Variants in OTUD7B observed in about 807,000 individuals in gnomAD.
OTUD7B encodes the protein OTU domain-containing protein 7B.
A neutral mutation model predicts 82.2 loss-of-function variants in OTUD7B; 34 were observed. The observed-to-expected ratio is 0.41, with a 90% CI of 0.31 to 0.55. The LOEUF is 0.55. Among genes scored for constraint, OTUD7B ranks in the 20% least tolerant of loss-of-function variants. The probability of loss-of-function intolerance (pLI) is 0.20; values close to 1 mark genes in which losing one functional copy is unlikely to be tolerated. For synonymous variants in OTUD7B, 398 were observed against 402.7 expected, an observed-to-expected ratio of 0.99 and a Z score of 0.14; for missense variants, 944 against 1,062.1, an observed-to-expected ratio of 0.89 and a Z score of 1.55.
intron 7 of OTUD7B, 48 bp from the exon 8 acceptor site, chr1:149,950,269 G>C (rs1648088261): frequency 1.2e-6 from 2 of 1,601,298 alleles, no homozygotes; most frequent in South Asian, 2.2e-5. Flanking sequence ...GTAAAAATGA[G>C]AGAGTAGAAA....
In OTUD7B at chr1:150,010,586, A is replaced by C. The variant is rs147372021; in HGVS notation, c.-205T>G. 0.022 allele frequency: 3,403 copies of C among 153,122 alleles called. 132 individuals carry two copies. Among genetic ancestry groups the C allele is most frequent in the African/African-American group, 0.078 (3,230 of 41,374 alleles). The allele number at this position is 153,122 out of a possible 1,614,324, so 9.5% of individuals were successfully genotyped here. On this transcript the variant is annotated 5_prime_UTR_variant, in exon 1 of 12. Transcript: ENST00000581312. ...GATGGAGGTGGAGGCGGTGGTGGAG[A>C]CTGCGACCGCAGCTGTTGCTCCGCA...
In OTUD7B at chr1:149,944,248, T is replaced by C; in HGVS notation, c.2141A>G (p.Gln714Arg). Residue 714 changes from glutamine (Q) to arginine (R), a missense_variant, in exon 12 of 12, where the codon CAG (glutamine) becomes CGG (arginine). This residue lies in a region of OTUD7B where 412 missense variants were observed against 418.7 expected (regional missense o/e 0.98). Transcript: ENST00000581312. ...CCCGACACATGGACCCCCTGCCAAC[T>C]GCCTCCGGGGTTCCTGGCAGTGGAC... ...GGVHCQEPRR[Q>R]LAGGPCVGGL... The C allele has an allele frequency of 6.2e-7, 1 of 1,612,308 alleles. No individual in the cohort carries two copies. The highest frequency in any genetic ancestry group is 1.7e-4 in the Middle Eastern group (1 of 6,040).
chr1:150,004,732 G>A (rs587607779), intron 1 of OTUD7B, among the ~76,000 whole-genome samples: 13 of 151,856 alleles, frequency 8.6e-5, no homozygotes, highest in South Asian at 4.2e-4. Flanking sequence ...TCTCCTCACC[G>A]CCCCAAGAAC....
chr1:150,041,706 G>C, the OTUD7B span, among the ~76,000 whole-genome samples: 2 of 152,086 alleles, frequency 1.3e-5, no homozygotes, highest in Admixed American at 1.3e-4. Flanking sequence ...AGATTGGTCT[G>C]TTTTATTGGT....
the OTUD7B span, among the ~76,000 whole-genome samples, chr1:150,019,444 T>C: frequency 2.0e-5 from 3 of 152,196 alleles, no homozygotes; most frequent in African/African-American, 7.2e-5. Flanking sequence ...CTCGGCTCAC[T>C]GCAACCTCCG....
rs367959051 is a variant in OTUD7B at position 149,964,288 on chromosome 1, C to A, written c.666G>T (p.Glu222Asp). 10 of 1,614,012 alleles carry A rather than the reference C, an allele frequency of 6.2e-6. No homozygotes were observed. The highest frequency in any genetic ancestry group is 3.3e-4 in the Middle Eastern group (2 of 6,084). Residue 222 changes from glutamate to aspartate, a missense_variant, in exon 6 of 12, where the codon GAG becomes GAT. By Grantham distance (45) the Glu-to-Asp change is conservative (BLOSUM62 2). Coordinates refer to ENST00000581312, the MANE Select transcript of OTUD7B (RefSeq NM_020205.4). Reference protein sequence around the residue: ...MLRKALYALMEKGVEKEALKR... With the variant: ...MLRKALYALMDKGVEKEALKR... ...TCAACGCTTCCTTCTCAACTCCCTT[C>A]TCCATCAGTGCATACAAAGCTTTCC...
chr1:149,962,101 A>G (rs1172011256), intron 6 of OTUD7B: 15 of 152,182 alleles, frequency 9.9e-5, no homozygotes, highest in Admixed American at 9.8e-4. Flanking sequence ...ACTTCAATTA[A>G]AAATAAAGAG....
At chr1:150,014,469 AT>A (rs1653213849), upstream of OTUD7B, among the ~76,000 whole-genome samples, 1 of 151,816 alleles carries the variant, frequency 6.6e-6, no homozygotes, top group Admixed American at 6.6e-5. Context: ...AAACCTAGTA[AT>A]TCCACTCCCT....
In OTUD7B at chr1:149,938,483, A is replaced by AAAACAAAAG; in HGVS notation, c.*5373_*5374insCTTTTGTTT. The stretch of plus-strand genomic sequence containing the variant: ...CGCAAAAAAAAAAAAAAAAAAAAAG[A>AAAACAAAAG]CATAGGAAGAGGTGTGTACCATAAC... On this transcript the variant is annotated 3_prime_UTR_variant, in exon 12 of 12. Coordinates refer to ENST00000581312, the MANE Select transcript of OTUD7B (RefSeq NM_020205.4). 1 of 82,914 alleles carries AAAACAAAAG rather than the reference A, an allele frequency of 1.2e-5. No individual in the cohort carries two copies. The highest frequency in any genetic ancestry group is 2.1e-5 in the Non-Finnish European group (1 of 47,568). The allele number at this position is 82,914 out of a possible 1,614,324, so 5.1% of individuals were successfully genotyped here.
chr1:149,994,753 G>A (rs57020352), intron 1 of OTUD7B, among the ~76,000 whole-genome samples: 2,880 of 152,046 alleles, frequency 0.019, 77 homozygotes, highest in African/African-American at 0.063. Flanking sequence ...TAGGACTACC[G>A]GCGAATGCCA....
rs75943385 is a variant in OTUD7B, at chr1:149,969,705, T to C, written c.274+1358A>G. ...TGTGTCTTACCTTTTTGAAAAAAAT[T>C]ATATATTTTTTTATATGGAGTCTCA... is the stretch of plus-strand genomic sequence containing the variant. On this transcript the variant is annotated intron_variant, in intron 3 of 11. Coordinates refer to ENST00000581312, the MANE Select transcript of OTUD7B (RefSeq NM_020205.4). Among the ~76,000 whole-genome samples the C allele has an allele frequency of 5.3e-4, 81 of 152,282 alleles. No individual in the cohort carries two copies. In the East Asian group the frequency reaches 0.015, roughly 28 times the overall value.
chr1:149,967,423 C>A lies in OTUD7B; in HGVS notation c.373G>T (p.Glu125Ter). The A allele has an allele frequency of 6.2e-7, 1 of 1,613,886 alleles. No individual in the cohort carries two copies. Among genetic ancestry groups the A allele is most frequent in the South Asian group, 1.1e-5 (1 of 91,072 alleles). Residue 125 changes from glutamate (E) to a stop codon, truncating the protein, a stop_gained, in exon 4 of 12, where the codon GAG becomes TAG. Coordinates refer to ENST00000581312, the MANE Select transcript of OTUD7B (RefSeq NM_020205.4). LOFTEE classifies it high-confidence loss of function. ...CAGATGGGCATTTCCAGGGGGTGCTCATTGCTCCCCCCACCCCCACCATTG... is the reference window on the plus strand; with the variant it reads ...CAGATGGGCATTTCCAGGGGGTGCTAATTGCTCCCCCCACCCCCACCATTG... ...SSNGGGGGSN[E>*]HPLEMPICAF...
chr1:149,952,860 T>A (rs1164078718), intron 7 of OTUD7B, among the ~76,000 whole-genome samples: 4 of 152,226 alleles, frequency 2.6e-5, no homozygotes, highest in Non-Finnish European at 2.9e-5. Flanking sequence ...TTTTGAGAAG[T>A]GTCTGTTTAT....
the OTUD7B span, among the ~76,000 whole-genome samples, chr1:150,022,842 A>G: frequency 6.6e-6 from 1 of 152,200 alleles, no homozygotes; most frequent in Non-Finnish European, 1.5e-5. Context: ...AATATCTCAA[A>G]GTGCCCTATT....
intron 2 of OTUD7B, among the ~76,000 whole-genome samples, chr1:149,974,186 C>T (rs1650131931): frequency 6.6e-6 from 1 of 152,196 alleles, no homozygotes; most frequent in Non-Finnish European, 1.5e-5. Context: ...ACGCTTCAAC[C>T]TCCTGAGTAG....
chr1:149,950,405 GT>G (rs79180349), intron 7 of OTUD7B, among the ~76,000 whole-genome samples, 184 bp from the exon 8 acceptor site: 50,122 of 152,020 alleles, frequency 0.33, 9,765 homozygotes, highest in African/African-American at 0.54. Context: ...TTCTACCTCC[GT>G]TTTCACAGAT....
chr1:150,057,649 A>G, the OTUD7B span, among the ~76,000 whole-genome samples: 1 of 152,240 alleles, frequency 6.6e-6, no homozygotes, highest in Admixed American at 6.5e-5. Flanking sequence ...GAAAGGATTC[A>G]GTCTTTTCTC....
chr1:149,997,133 C>T (rs2101916673), intron 1 of OTUD7B, among the ~76,000 whole-genome samples: 1 of 152,218 alleles, frequency 6.6e-6, no homozygotes, highest in South Asian at 2.1e-4. Context: ...AGGTGCATAA[C>T]AAGTGTTAGC....
At chr1:149,948,940 A>C (rs782198029) in intron 10 of OTUD7B, 29 bp downstream of exon 10, 17 of 1,420,726 alleles carry the variant, frequency 1.2e-5, no homozygotes, top group Non-Finnish European at 1.7e-5. Context: ...CCCAGCACAA[A>C]ATAGATGAAA....
Sources: gnomAD v4.1 joint callset for allele counts (sites outside exome capture counted in the v4.1 genomes callset) on GRCh38, gnomAD v4.1.1 for gene constraint, gnomAD v4.1.1 regional missense constraint, MANE v1.5 for transcripts, NCBI Gene and HGNC (gene_info 2026-07-23, HGNC 2026-07-21) for gene names.